Variants in DDX10 observed in about 807,000 individuals in gnomAD.
The protein encoded by DDX10 is probable ATP-dependent RNA helicase DDX10.
In DDX10, 74 loss-of-function variants were observed where a neutral mutation model predicts 104.3. That is an observed-to-expected ratio of 0.71 (90% CI 0.59 to 0.86). DDX10 has a LOEUF of 0.86. Ranked by LOEUF, DDX10 falls within the 40% of genes least tolerant of loss-of-function variation. The pLI, the probability that DDX10 is intolerant of heterozygous loss-of-function variation, is 0.00. For missense variants in DDX10, 952 were observed against 1,040.0 expected (o/e 0.92, Z 1.16); for synonymous variants, 351 against 353.4 (o/e 0.99, Z 0.08).
At chr11:108,768,356 A>G (rs955306272) in intron 13 of DDX10, among the ~76,000 whole-genome samples, 10 of 152,178 alleles carry the variant, frequency 6.6e-5, no homozygotes, top group African/African-American at 2.4e-4. Flanking sequence ...CTATCTATAC[A>G]TTTATCTTGA....
intron 13 of DDX10, among the ~76,000 whole-genome samples, chr11:108,744,384 T>C (rs962107893): frequency 6.6e-6 from 1 of 152,156 alleles, no homozygotes; most frequent in African/African-American, 2.4e-5. Context: ...CCAACTTTAT[T>C]CATAGTCTGT....
intron 5 of DDX10, among the ~76,000 whole-genome samples, chr11:108,678,946 G>A (rs774368463): frequency 7.2e-6 from 1 of 139,368 alleles, no homozygotes; most frequent in South Asian, 2.3e-4. Context: ...GCATGATCTC[G>A]GCTCATGGGT....
chr11:108,685,403 G>A lies in DDX10; in HGVS notation c.849-3533G>A, dbSNP rs1275306374. On this transcript the variant is annotated intron_variant, in intron 6 of 17. Transcript: ENST00000322536. ...CCCTGCTTCGGCTCGCGCACGGTGC[G>A]CACACACACTGGCCTGCGCCCACTG... is the stretch of plus-strand genomic sequence containing the variant. Among the ~76,000 whole-genome samples the A allele has an allele frequency of 9.2e-5, 14 of 151,516 alleles. No homozygotes were observed. In the East Asian group the frequency reaches 9.7e-4, roughly 11 times the overall value.
At chr11:108,854,655 C>G (rs1471271654) in intron 16 of DDX10, among the ~76,000 whole-genome samples, 3 of 152,082 alleles carry the variant, frequency 2.0e-5, no homozygotes, top group Non-Finnish European at 4.4e-5. Context: ...ACGTAGCTGT[C>G]TTTCTACCTT....
intron 13 of DDX10, among the ~76,000 whole-genome samples, chr11:108,745,189 CTTCCT>C (rs2094330285): frequency 3.5e-5 from 5 of 142,112 alleles, no homozygotes; most frequent in Middle Eastern, 3.4e-3. Flanking sequence ...CTCCCCTCCC[CTTCCT>C]TCCCTTTCGT....
At chr11:108,773,382 T>G (rs1030610036) in intron 13 of DDX10, among the ~76,000 whole-genome samples, 1 of 152,236 alleles carries the variant, frequency 6.6e-6, no homozygotes, top group Non-Finnish European at 1.5e-5. Context: ...ACTGTTGATG[T>G]CTTGTCTTTT....
chr11:108,736,545 G>T (rs2094318642), intron 13 of DDX10, among the ~76,000 whole-genome samples: 1 of 152,090 alleles, frequency 6.6e-6, no homozygotes. Context: ...TTTGAATGTT[G>T]TCAGTGGAAT....
At chr11:108,718,057 T>G (rs2094293744) in intron 11 of DDX10, among the ~76,000 whole-genome samples, 1 of 151,944 alleles carries the variant, frequency 6.6e-6, no homozygotes, top group African/African-American at 2.4e-5. Flanking sequence ...GCCAGCTACT[T>G]GGGTGGCTGA....
chr11:108,700,922 C>T (rs1314666135), intron 9 of DDX10, among the ~76,000 whole-genome samples: 3 of 151,350 alleles, frequency 2.0e-5, no homozygotes, highest in African/African-American at 4.9e-5. Flanking sequence ...TGATTTCTAC[C>T]CTTTCTCTGT....
At chr11:108,717,373 G>C (rs924997173) in intron 11 of DDX10, among the ~76,000 whole-genome samples, 1 of 152,172 alleles carries the variant, frequency 6.6e-6, no homozygotes, top group Non-Finnish European at 1.5e-5. Context: ...GCAATGGCGT[G>C]ATCTTGGCTC....
At chr11:108,887,255 TG>T (rs1863309300) in intron 16 of DDX10, among the ~76,000 whole-genome samples, 2 of 152,156 alleles carry the variant, frequency 1.3e-5, no homozygotes, top group Admixed American at 1.3e-4. Context: ...TTATCCAATG[TG>T]ATAGTCAAGG....
chr11:108,886,237 G>T (rs181827734), intron 16 of DDX10, among the ~76,000 whole-genome samples: 6 of 152,282 alleles, frequency 3.9e-5, no homozygotes, highest in African/African-American at 1.4e-4. Context: ...GTATTTGCCA[G>T]GCGCTGTGAA....
chr11:108,919,568 G>A (rs1318275629), intron 17 of DDX10: 3 of 152,168 alleles, frequency 2.0e-5, no homozygotes, highest in Non-Finnish European at 4.4e-5. Flanking sequence ...TAACATACAT[G>A]ACTTTCAGTC....
chr11:108,677,400 G>A (rs1011254794), intron 4 of DDX10, among the ~76,000 whole-genome samples, 157 bp downstream of exon 4: 2 of 152,026 alleles, frequency 1.3e-5, no homozygotes, highest in Admixed American at 6.5e-5. Flanking sequence ...TGCTATCTAC[G>A]ATCTGGTTGC....
intron 13 of DDX10, among the ~76,000 whole-genome samples, chr11:108,732,635 G>T (rs550917538): frequency 1.3e-5 from 2 of 152,290 alleles, no homozygotes; most frequent in East Asian, 3.9e-4. Flanking sequence ...TTTCTTAGCA[G>T]TGGAGAAGTG....
At chr11:108,765,458 T>A (rs1009678349) in intron 13 of DDX10, among the ~76,000 whole-genome samples, 2 of 152,208 alleles carry the variant, frequency 1.3e-5, no homozygotes, top group Non-Finnish European at 2.9e-5. Flanking sequence ...CAAGAGACTA[T>A]TAGTTTTAAG....
intron 16 of DDX10, among the ~76,000 whole-genome samples, chr11:108,897,343 G>C (rs1156462599): frequency 6.6e-6 from 1 of 152,184 alleles, no homozygotes; most frequent in African/African-American, 2.4e-5. Flanking sequence ...CCCATGGATG[G>C]ATGATTAAAG....
intron 13 of DDX10, among the ~76,000 whole-genome samples, chr11:108,748,535 G>A (rs1231429035): frequency 6.6e-6 from 1 of 152,166 alleles, no homozygotes. Flanking sequence ...CATGAAATAA[G>A]GGTTGAAGAC....
At position 108,852,147 on chromosome 11, in the gene DDX10, C is replaced by G; in HGVS notation, c.2248-6C>G. ...TGCTAATTTTTCTCCTCTTCCTTGT[C>G]TCCAGGAGAAAAGACTGAAAGAAAG... On this transcript the variant is annotated splice_polypyrimidine_tract_variant and splice_region_variant and intron_variant, in intron 15 of 17. Transcript: ENST00000322536. 1 of 1,608,190 alleles carries G rather than the reference C, an allele frequency of 6.2e-7. No homozygotes were observed. The highest frequency in any genetic ancestry group is 8.5e-7 in the Non-Finnish European group (1 of 1,176,444).
Sources: allele counts gnomAD v4.1 joint callset (sites outside exome capture counted in the v4.1 genomes callset), GRCh38; gene constraint gnomAD v4.1.1; transcripts MANE v1.5; gene names NCBI Gene and HGNC (gene_info 2026-07-23, HGNC 2026-07-21).